The following NCAPG2 variants were observed in gnomAD, a reference collection of about 807,000 sequenced individuals.
The protein encoded by NCAPG2 is condensin-2 complex subunit G2.
Under a neutral mutation model 141.1 loss-of-function variants are expected in NCAPG2, and 53 were observed. The ratio of observed to expected loss-of-function variants is 0.38; its 90% CI spans 0.30 to 0.47. NCAPG2 has a LOEUF of 0.47. Ranked by LOEUF, NCAPG2 falls within the 20% of genes least tolerant of loss-of-function variation. NCAPG2 has a pLI of 0.99. For synonymous variants in NCAPG2, 499 were observed against 490.7 expected, an observed-to-expected ratio of 1.02 and a Z score of -0.22; for missense variants, 1,087 against 1,389.0, an observed-to-expected ratio of 0.78 and a Z score of 3.46.
chr7:158,680,234 A>G, intron 10 of NCAPG2, 149 bp from the exon 11 acceptor site: 1 of 945,126 alleles, frequency 1.1e-6, no homozygotes, highest in Non-Finnish European at 1.5e-6. Context: ...TTGACCAAAC[A>G]TTGCTCAGTT....
rs1351110649 is a variant in NCAPG2 at position 158,633,079 on chromosome 7, C to G, written c.3381-1362G>C. On this transcript the variant is annotated intron_variant, in intron 27 of 27. Coordinates refer to ENST00000356309, the MANE Select transcript of NCAPG2 (RefSeq NM_017760.7). This position sits in a 1 kb window ranked among gnomAD's most constrained non-coding sequence, Gnocchi z 4.1. ...TTTAGCTGTGATTTTTTTTTTCCAT[C>G]AATCCAGAATGTAGTGAAAGAAAAA... 1.3e-5 allele frequency among the ~76,000 whole-genome samples: 2 copies of G among 151,570 alleles called. No homozygotes were observed. The highest frequency in any genetic ancestry group is 2.4e-5 in the African/African-American group (1 of 41,284).
Position 158,664,525 on chromosome 7 carries a change from T to C in NCAPG2, c.1702+3A>G. The C allele has an allele frequency of 1.9e-6, 3 of 1,613,624 alleles. No individual in the cohort carries two copies. The highest frequency in any genetic ancestry group is 1.7e-6 in the Non-Finnish European group (2 of 1,179,646). ...AGAACTGAGAAATAACAGCACTCCC[T>C]ACCTATGTTGGTGCAGGCGGTGTGT... is the stretch of plus-strand genomic sequence containing the variant. On this transcript the variant is annotated splice_donor_region_variant and intron_variant, in intron 14 of 27. Coordinates refer to ENST00000356309, the MANE Select transcript of NCAPG2 (RefSeq NM_017760.7).
rs773925499 is a variant in NCAPG2, at chr7:158,680,699, A to G, written c.1020+22T>C. On this transcript the variant is annotated intron_variant, in intron 10 of 27. Coordinates refer to ENST00000356309, the MANE Select transcript of NCAPG2 (RefSeq NM_017760.7). ...CACAAGTAGTACATTCCAAACACGGATAAACTATTTGAAATGTATACCTTT... is the reference window on the plus strand; with the variant it reads ...CACAAGTAGTACATTCCAAACACGGGTAAACTATTTGAAATGTATACCTTT... The G allele has an allele frequency of 3.5e-6, 5 of 1,444,150 alleles. No homozygotes were observed. The South Asian group carries it at 7.5e-5, about 22-fold the overall frequency. 89.5% of individuals were successfully genotyped at this position (1,444,150 alleles called of 1,614,324 possible). A position where few individuals can be genotyped will look rare whatever the true frequency, so the allele number is the denominator to read the frequency against.
intron 2 of NCAPG2, among the ~76,000 whole-genome samples, chr7:158,697,565 C>T (rs1287103947): frequency 1.3e-5 from 2 of 150,288 alleles, no homozygotes; most frequent in Non-Finnish European, 3.0e-5. Flanking sequence ...GACGCCACTG[C>T]ACTCCAGCCT....
At chr7:158,695,782 G>A (rs944520846) in intron 2 of NCAPG2, among the ~76,000 whole-genome samples, 5 of 152,266 alleles carry the variant, frequency 3.3e-5, no homozygotes, top group Non-Finnish European at 7.3e-5. Flanking sequence ...CAAAAGCCCA[G>A]CAGTTAGAAA....
At chr7:158,656,839 C>T in intron 17 of NCAPG2, 134 bp from the exon 18 acceptor site, 2 of 1,028,416 alleles carry the variant, frequency 1.9e-6, no homozygotes, top group South Asian at 1.7e-5. Context: ...CACTTCCATG[C>T]TCTCCAATGC....
chr7:158,641,559 G>GA (rs74999655), intron 27 of NCAPG2: 56,590 of 453,922 alleles, frequency 0.12, 24 homozygotes, highest in South Asian at 0.15. Flanking sequence ...TCATATCTTG[G>GA]AAAAAAAAAA....
In NCAPG2 at chr7:158,701,803, A is replaced by G; in HGVS notation, c.78+19T>C. The stretch of plus-strand genomic sequence containing the variant: ...ATTCACAGTCAAAAATCACAACAAA[A>G]CTAAAACATGAAACTTACATCAAGT... On this transcript the variant is annotated intron_variant, in intron 2 of 27. Transcript: ENST00000356309. The G allele has an allele frequency of 6.2e-7, 1 of 1,603,150 alleles. No homozygotes were observed. The highest frequency in any genetic ancestry group is 8.5e-7 in the Non-Finnish European group (1 of 1,170,952).
intron 2 of NCAPG2, chr7:158,696,784 C>T (rs1587307658): frequency 1.3e-5 from 2 of 152,256 alleles, no homozygotes; most frequent in Non-Finnish European, 1.5e-5. Context: ...CTCAGGGGCT[C>T]GGCCTTTCCC....
chr7:158,684,217 G>A (rs1024216799), intron 8 of NCAPG2, among the ~76,000 whole-genome samples: 9 of 152,206 alleles, frequency 5.9e-5, no homozygotes, highest in African/African-American at 2.2e-4. Context: ...GAGATACACA[G>A]CACTACCTGG....
chr7:158,654,005 C>T (rs1460824286), intron 22 of NCAPG2, among the ~76,000 whole-genome samples: 1 of 152,098 alleles, frequency 6.6e-6, no homozygotes, highest in Non-Finnish European at 1.5e-5. Flanking sequence ...GGTCCCAGCT[C>T]AGCAGTACTC....
rs191019699 is a variant in NCAPG2, at chr7:158,632,378, A to G, written c.3381-661T>C. On this transcript the variant is annotated intron_variant, in intron 27 of 27. Coordinates refer to ENST00000356309, the MANE Select transcript of NCAPG2 (RefSeq NM_017760.7). The stretch of plus-strand genomic sequence containing the variant: ...CATATCACTGTTCCTTCAAATACAC[A>G]TATTTACAAAGTGCGTGGCTCACCA... 1.6e-4 allele frequency among the ~76,000 whole-genome samples: 24 copies of G among 152,282 alleles called. 1 individual carries two copies. The highest frequency in any genetic ancestry group is 5.5e-4 in the African/African-American group (23 of 41,552).
intron 12 of NCAPG2, among the ~76,000 whole-genome samples, chr7:158,671,926 GA>G (rs1833709163): frequency 6.6e-6 from 1 of 152,110 alleles, no homozygotes; most frequent in Admixed American, 6.6e-5. Flanking sequence ...AATTATAAAA[GA>G]AATCTTTAAT....
At chr7:158,635,917 CTTAA>C (rs1314674381) in intron 27 of NCAPG2, among the ~76,000 whole-genome samples, 1 of 152,160 alleles carries the variant, frequency 6.6e-6, no homozygotes, top group African/African-American at 2.4e-5. Context: ...AGTCTTAAAT[CTTAA>C]TTGTTTATCT....
intron 16 of NCAPG2, 142 bp downstream of exon 16, chr7:158,662,052 C>T: frequency 1.3e-6 from 1 of 769,912 alleles, no homozygotes; most frequent in Non-Finnish European, 1.9e-6. Flanking sequence ...AACTATACTG[C>T]AAGGTAAACA....
At chr7:158,646,415 A>C in intron 25 of NCAPG2, 45 bp downstream of exon 25, 1 of 1,440,184 alleles carries the variant, frequency 6.9e-7, no homozygotes, top group Non-Finnish European at 9.6e-7. Flanking sequence ...CTGAGCGCTT[A>C]CAGCCACGAT....
intron 5 of NCAPG2, 62 bp from the exon 6 acceptor site, chr7:158,690,015 C>G (rs1243180188): frequency 7.8e-7 from 1 of 1,280,418 alleles, no homozygotes; most frequent in African/African-American, 1.6e-5. Context: ...TATTTCAAAT[C>G]AAGTATATTT....
chr7:158,654,998 C>T (rs1366536138), intron 21 of NCAPG2, 120 bp downstream of exon 21: 2 of 1,191,868 alleles, frequency 1.7e-6, no homozygotes, highest in African/African-American at 1.7e-5. Context: ...GATAAATGTC[C>T]CTGTAAGTTT....
chr7:158,667,171 C>G (rs940229495), intron 13 of NCAPG2: 24 of 985,330 alleles, frequency 2.4e-5, no homozygotes, highest in Non-Finnish European at 2.9e-5. Flanking sequence ...GGCTGTCTGC[C>G]TTGCACTTGC....
Sources: gnomAD v4.1 joint callset for allele counts (sites outside exome capture counted in the v4.1 genomes callset) on GRCh38, gnomAD v4.1.1 for gene constraint, Gnocchi (gnomAD v3.1) non-coding constraint, MANE v1.5 for transcripts, NCBI Gene and HGNC (gene_info 2026-07-23, HGNC 2026-07-21) for gene names.